REPS2: variants seen among roughly 807,000 people sequenced by gnomAD.
The protein encoded by REPS2 is ralBP1-associated Eps domain-containing protein 2.
REPS2 carries 23 observed loss-of-function variants against 53.6 expected under a neutral mutation model. That is an observed-to-expected ratio of 0.43 (90% CI 0.31 to 0.61). The LOEUF is 0.61. Among genes scored for constraint, REPS2 ranks in the 20% least tolerant of loss-of-function variants. The pLI is 0.11. For synonymous variants in REPS2, 238 were observed against 218.6 expected (o/e 1.09, Z -0.78); for missense variants, 446 against 534.9 (o/e 0.83, Z 1.64).
At chrX:17,106,386 C>T (rs1028652586) in intron 14 of REPS2, among the ~76,000 whole-genome samples, 1 of 109,851 alleles carries the variant, frequency 9.1e-6, no homozygotes, top group Admixed American at 9.7e-5. Context: ...GAATCAATAT[C>T]GTGAAAATGG....
downstream of REPS2, among the ~76,000 whole-genome samples, chrX:17,156,753 A>G (rs992399994): frequency 9.0e-6 from 1 of 111,605 alleles, no homozygotes; most frequent in Non-Finnish European, 1.9e-5. Context: ...TGCATAGGGA[A>G]TGGAATCAAG....
chrX:17,171,204 G>A, the REPS2 span, among the ~76,000 whole-genome samples: 3 of 112,081 alleles, frequency 2.7e-5, no homozygotes, highest in South Asian at 3.7e-4. Context: ...GCTTCATGGC[G>A]GCCTTGGAGT....
intron 1 of REPS2, among the ~76,000 whole-genome samples, chrX:16,974,185 AT>A (rs978935773): frequency 9.0e-6 from 1 of 111,053 alleles, no homozygotes; most frequent in African/African-American, 3.3e-5. Context: ...TCAGTGGAAT[AT>A]TTTTTTTCTC....
chrX:17,117,649 C>T (rs779374339), intron 14 of REPS2, among the ~76,000 whole-genome samples: 1,452 of 109,757 alleles, frequency 0.013, 40 homozygotes, highest in African/African-American at 0.045. Context: ...GTATATGTGC[C>T]ACATTTTCTT....
intron 1 of REPS2, among the ~76,000 whole-genome samples, chrX:16,963,858 G>A (rs1327061919): frequency 3.6e-5 from 4 of 110,912 alleles, no homozygotes; most frequent in African/African-American, 9.8e-5. Flanking sequence ...AATCAAATCC[G>A]AATTTCTTGT....
At chrX:16,972,470 TTTTTAG>T (rs199777442) in intron 1 of REPS2, among the ~76,000 whole-genome samples, 238 of 112,229 alleles carry the variant, frequency 2.1e-3, no homozygotes, top group African/African-American at 7.2e-3. Context: ...ATTTGGCTTT[TTTTTAG>T]TGCCACCTAA....
chrX:17,186,601 T>C, the REPS2 span, among the ~76,000 whole-genome samples: 2 of 112,250 alleles, frequency 1.8e-5, no homozygotes, highest in South Asian at 3.7e-4. Flanking sequence ...GTAGCATTTA[T>C]TGTATTCTTA....
At chrX:17,079,122 T>C (rs2062420200) in intron 13 of REPS2, among the ~76,000 whole-genome samples, 1 of 112,495 alleles carries the variant, frequency 8.9e-6, no homozygotes, top group African/African-American at 3.2e-5. Context: ...ACCATTTCCT[T>C]TGAGTGTCAT....
chrX:16,988,652 A>T (rs1044063985), intron 1 of REPS2, among the ~76,000 whole-genome samples: 2 of 109,656 alleles, frequency 1.8e-5, no homozygotes, highest in Admixed American at 9.8e-5. Context: ...ACTTACAAAA[A>T]TGAGTTGTAT....
At position 17,068,410 on chromosome X, in the gene REPS2, T is replaced by C; in HGVS notation, c.1218T>C (p.Ser406=). The C allele has an allele frequency of 8.3e-7, 1 of 1,201,166 alleles. No individual in the cohort carries two copies. The highest frequency in any genetic ancestry group is 1.1e-6 in the Non-Finnish European group (1 of 886,939). The change falls in exon 10 of 18, where the codon TCT becomes TCC. Residue 406 remains serine, a synonymous_variant. Coordinates refer to ENST00000357277, the MANE Select transcript of REPS2 (RefSeq NM_004726.3). ...ACTTTTCTTTTTCAAAGAAGACATC[T>C]GTTAAAGACATGGCTGACCTTCCTG... ...PRDLNRMEKT[S]VKDMADLPVP... is the part of the protein sequence containing the mutation.
chrX:16,992,991 G>A (rs2061181542), intron 1 of REPS2, among the ~76,000 whole-genome samples: 1 of 112,215 alleles, frequency 8.9e-6, no homozygotes, highest in Non-Finnish European at 1.9e-5. Flanking sequence ...AAGCCAGGGA[G>A]CTGGTGTTAC....
the REPS2 span, among the ~76,000 whole-genome samples, chrX:17,164,984 A>G: frequency 3.0e-4 from 33 of 110,469 alleles, no homozygotes; most frequent in African/African-American, 1.1e-3. Context: ...CCCTTCTCCC[A>G]TTTTCTGCAG....
chrX:17,140,809 C>T (rs971043560), intron 17 of REPS2, among the ~76,000 whole-genome samples: 6 of 106,856 alleles, frequency 5.6e-5, no homozygotes, highest in South Asian at 4.1e-4. Flanking sequence ...CTCGCTCTGT[C>T]GCCCACGCTG....
intron 1 of REPS2, among the ~76,000 whole-genome samples, chrX:16,965,446 G>A (rs1323162646): frequency 4.5e-5 from 5 of 109,972 alleles, no homozygotes; most frequent in Middle Eastern, 4.9e-3. Flanking sequence ...GCTGCTGGGC[G>A]GAGGGGCTCC....
chrX:16,991,918 C>T (rs1450577392), intron 1 of REPS2, among the ~76,000 whole-genome samples: 1 of 110,777 alleles, frequency 9.0e-6, no homozygotes, highest in Non-Finnish European at 1.9e-5. Context: ...AGGAACGTGC[C>T]CTGCTGACAC....
At chrX:17,034,662 C>G (rs2061745650) in intron 5 of REPS2, among the ~76,000 whole-genome samples, 1 of 111,930 alleles carries the variant, frequency 8.9e-6, no homozygotes, top group Non-Finnish European at 1.9e-5. Context: ...TATTTAAAAC[C>G]AAAACACATT....
At chrX:17,195,835 G>A in the REPS2 span, among the ~76,000 whole-genome samples, 3 of 112,310 alleles carry the variant, frequency 2.7e-5, no homozygotes, top group South Asian at 3.7e-4. Flanking sequence ...TAATTAACTT[G>A]AATTAAGGTT....
chrX:17,140,235 T>C (rs1473809524), intron 17 of REPS2, among the ~76,000 whole-genome samples: 1 of 111,782 alleles, frequency 8.9e-6, no homozygotes, highest in Non-Finnish European at 1.9e-5. Context: ...CCAATAGGGC[T>C]GTTTTAATAT....
chrX:16,969,055 G>A (rs1384112590), intron 1 of REPS2, among the ~76,000 whole-genome samples: 3 of 110,239 alleles, frequency 2.7e-5, no homozygotes, highest in South Asian at 3.9e-4. Flanking sequence ...CAGACGGGGC[G>A]GCTGGGCAGA....
Sources: allele counts gnomAD v4.1 joint callset (sites outside exome capture counted in the v4.1 genomes callset), GRCh38; gene constraint gnomAD v4.1.1; transcripts MANE v1.5; gene names NCBI Gene and HGNC (gene_info 2026-07-23, HGNC 2026-07-21).